Variants in TENM3 observed in about 807,000 individuals in gnomAD.
TENM3 encodes the protein teneurin-3.
Under a neutral mutation model 255.1 loss-of-function variants are expected in TENM3, and 63 were observed. The observed-to-expected ratio is 0.25, with a 90% CI of 0.20 to 0.30. TENM3 has a LOEUF of 0.30. Ranked by LOEUF, TENM3 falls within the 10% of genes least tolerant of loss-of-function variation. The probability of loss-of-function intolerance (pLI) is 1.00; values close to 1 mark genes in which losing one functional copy is unlikely to be tolerated. For missense variants in TENM3, 2,929 were observed against 3,461.1 expected, an observed-to-expected ratio of 0.85 and a Z score of 3.86; for synonymous variants, 1,306 against 1,322.3, an observed-to-expected ratio of 0.99 and a Z score of 0.27.
the TENM3 span, among the ~76,000 whole-genome samples, chr4:182,075,039 C>T: frequency 4.6e-5 from 7 of 152,032 alleles, no homozygotes; most frequent in South Asian, 6.2e-4. Context: ...GCCAGAGTGG[C>T]GCCTGATGGG....
At chr4:181,780,866 T>C in the TENM3 span, among the ~76,000 whole-genome samples, 1 of 152,196 alleles carries the variant, frequency 6.6e-6, no homozygotes, top group Non-Finnish European at 1.5e-5. Context: ...CAGCACCATT[T>C]ATTAAATAGG....
At chr4:181,655,793 C>T in the TENM3 span, among the ~76,000 whole-genome samples, 1 of 152,164 alleles carries the variant, frequency 6.6e-6, no homozygotes, top group African/African-American at 2.4e-5. Context: ...CGATAAAGTA[C>T]ATGGTGTTTT....
the TENM3 span, among the ~76,000 whole-genome samples, chr4:181,553,957 A>G: frequency 6.6e-6 from 1 of 152,140 alleles, no homozygotes; most frequent in Non-Finnish European, 1.5e-5. Context: ...CCTCTCTGCC[A>G]GCTCTCCATG....
the TENM3 span, among the ~76,000 whole-genome samples, chr4:181,740,484 A>C: frequency 6.6e-6 from 1 of 152,182 alleles, no homozygotes. Context: ...AATGGAGACC[A>C]CAAAGAGCTG....
the TENM3 span, among the ~76,000 whole-genome samples, chr4:181,928,065 A>G: frequency 1.3e-5 from 2 of 152,202 alleles, no homozygotes; most frequent in African/African-American, 4.8e-5. Context: ...ATCCACGAAG[A>G]TGAGGAAAAA....
chr4:181,458,632 C>A, the TENM3 span, among the ~76,000 whole-genome samples: 1 of 152,012 alleles, frequency 6.6e-6, no homozygotes, highest in African/African-American at 2.4e-5. Context: ...TTGGCCTCCC[C>A]ACTCGTTCCT....
the TENM3 span, among the ~76,000 whole-genome samples, chr4:181,971,864 C>A: frequency 6.6e-6 from 1 of 151,618 alleles, no homozygotes; most frequent in African/African-American, 2.4e-5. Context: ...ACCACTGCAC[C>A]TGGCCAGGGA....
the TENM3 span, among the ~76,000 whole-genome samples, chr4:182,059,787 A>G: frequency 0.061 from 9,075 of 148,996 alleles, 954 homozygotes; most frequent in African/African-American, 0.21. Context: ...AGAAAAATTC[A>G]CTGGACATGG....
chr4:181,522,033 A>G, the TENM3 span, among the ~76,000 whole-genome samples: 157 of 141,046 alleles, frequency 1.1e-3, no homozygotes, highest in African/African-American at 3.9e-3. Context: ...CGCGGGAGGC[A>G]GAGCTTGCAG....
the TENM3 span, among the ~76,000 whole-genome samples, chr4:181,688,600 A>G: frequency 2.0e-5 from 3 of 152,180 alleles, no homozygotes; most frequent in African/African-American, 7.2e-5. Flanking sequence ...TTGAATGTGC[A>G]TCTTGACCCA....
chr4:181,701,330 C>T, the TENM3 span, among the ~76,000 whole-genome samples: 1 of 152,160 alleles, frequency 6.6e-6, no homozygotes, highest in African/African-American at 2.4e-5. Flanking sequence ...GGTTGAAGAA[C>T]CAGAAATAGG....
At chr4:181,859,044 T>A in the TENM3 span, among the ~76,000 whole-genome samples, 1 of 151,958 alleles carries the variant, frequency 6.6e-6, no homozygotes, top group East Asian at 1.9e-4. Flanking sequence ...CGTGTTGGTC[T>A]TGTTGGTTCT....
chr4:182,048,328 T>C, the TENM3 span, among the ~76,000 whole-genome samples: 4 of 152,220 alleles, frequency 2.6e-5, no homozygotes, highest in South Asian at 2.1e-4. Context: ...ATGGATTTCA[T>C]AGATTACTAT....
the TENM3 span, among the ~76,000 whole-genome samples, chr4:181,610,003 T>A: frequency 6.6e-6 from 1 of 152,212 alleles, no homozygotes; most frequent in South Asian, 2.1e-4. Flanking sequence ...TTGCTTTAAT[T>A]TCCTGTCTTC....
chr4:182,200,419 A>T (rs1754113164), intron 1 of TENM3, among the ~76,000 whole-genome samples: 1 of 152,260 alleles, frequency 6.6e-6, no homozygotes, highest in Non-Finnish European at 1.5e-5. Context: ...GACCAAGAGA[A>T]CATTCTTATT....
chr4:181,969,024 C>A, the TENM3 span, among the ~76,000 whole-genome samples: 1 of 150,108 alleles, frequency 6.7e-6, no homozygotes, highest in Non-Finnish European at 1.5e-5. Context: ...GTGTGTATGC[C>A]TCTGTGTGTG....
the TENM3 span, among the ~76,000 whole-genome samples, chr4:181,549,212 A>G: frequency 6.6e-6 from 1 of 152,182 alleles, no homozygotes; most frequent in Non-Finnish European, 1.5e-5. Context: ...AGGGAGAAAC[A>G]GTGCCAATGG....
chr4:181,807,393 G>T, the TENM3 span, among the ~76,000 whole-genome samples: 1 of 151,902 alleles, frequency 6.6e-6, no homozygotes, highest in Non-Finnish European at 1.5e-5. Flanking sequence ...CACTCTTGTC[G>T]CCCAGGCTGG....
chr4:182,449,206 T>TGGTGGCGGC (rs1773233606), intron 3 of TENM3: 1 of 167,600 alleles, frequency 6.0e-6, no homozygotes, highest in African/African-American at 2.4e-5. Context: ...GCGGTGGCGG[T>TGGTGGCGGC]GGTGGCGGCG....
Sources: allele counts gnomAD v4.1 joint callset (sites outside exome capture counted in the v4.1 genomes callset), GRCh38; gene constraint gnomAD v4.1.1; transcripts MANE v1.5; gene names NCBI Gene and HGNC (gene_info 2026-07-23, HGNC 2026-07-21).